The following COA1 variants were observed in gnomAD, a reference collection of about 807,000 sequenced individuals.
COA1 encodes the protein cytochrome c oxidase assembly factor 1.
COA1 carries 13 observed loss-of-function variants against 16.0 expected under a neutral mutation model. The ratio of observed to expected loss-of-function variants is 0.81; its 90% CI spans 0.53 to 1.29. The LOEUF (loss-of-function observed/expected upper bound fraction) is 1.29. COA1 is among the 50% of genes most tolerant of loss of function. The pLI, the probability that COA1 is intolerant of heterozygous loss-of-function variation, is 0.00. For missense variants in COA1, 179 were observed against 177.0 expected (o/e 1.01, Z -0.06); for synonymous variants, 65 against 65.7 (o/e 0.99, Z 0.05).
intron 6 of COA1, chr7:43,631,510 G>A: frequency 6.6e-6 from 1 of 152,412 alleles, no homozygotes; most frequent in Non-Finnish European, 1.5e-5. Flanking sequence ...ACAGGTGTGA[G>A]CCACCGTGCC....
At chr7:43,689,274 T>C (rs1190501860) in intron 1 of COA1, among the ~76,000 whole-genome samples, 2 of 152,208 alleles carry the variant, frequency 1.3e-5, no homozygotes, top group African/African-American at 4.8e-5. Flanking sequence ...TTCAGGCTCA[T>C]ATAGGCTGTA....
At chr7:43,673,193 C>T (rs2093355347) in intron 1 of COA1, among the ~76,000 whole-genome samples, 1 of 152,198 alleles carries the variant, frequency 6.6e-6, no homozygotes, top group Non-Finnish European at 1.5e-5. Context: ...AGCTTCTGTG[C>T]AGCAAAGAAA....
intron 1 of COA1, among the ~76,000 whole-genome samples, chr7:43,670,475 A>G (rs1055107417): frequency 4.6e-5 from 7 of 152,124 alleles, no homozygotes; most frequent in Non-Finnish European, 1.0e-4. Flanking sequence ...TTTTCATCAT[A>G]AACTCAGTCC....
At chr7:43,630,084 C>T (rs1403380714) in intron 6 of COA1, among the ~76,000 whole-genome samples, 4 of 152,142 alleles carry the variant, frequency 2.6e-5, no homozygotes, top group Non-Finnish European at 4.4e-5. Context: ...TGCCTTCACA[C>T]TACACCGCGC....
In COA1 at chr7:43,640,638, A is replaced by G; in HGVS notation, c.276T>C (p.Pro92=). The stretch of plus-strand genomic sequence containing the variant: ...GGCCCTCTGATTTGGATCCAGAGAC[A>G]GGAATCTTCAACTGTGGGTGTAAAA... ...VDIVDAKLKI[P]VSGSKSEGLL... Residue 92 remains proline, a synonymous_variant, in exon 5 of 6, where the codon CCT becomes CCC. Coordinates refer to ENST00000223336, the MANE Select transcript of COA1 (RefSeq NM_018224.4). The G allele has an allele frequency of 6.2e-7, 1 of 1,604,256 alleles. No homozygotes were observed. The highest frequency in any genetic ancestry group is 1.7e-5 in the Admixed American group (1 of 57,716).
At chr7:43,728,882 AC>A (rs1261320758) in intron 1 of COA1, among the ~76,000 whole-genome samples, 1 of 152,164 alleles carries the variant, frequency 6.6e-6, no homozygotes, top group African/African-American at 2.4e-5. Context: ...ACCCCCAAAC[AC>A]ACATACAGAC....
chr7:43,667,382 C>T (rs901080936), intron 1 of COA1, among the ~76,000 whole-genome samples: 1 of 152,098 alleles, frequency 6.6e-6, no homozygotes, highest in African/African-American at 2.4e-5. Context: ...TATTTCCAAT[C>T]TTCTTTAAGT....
chr7:43,704,233 C>T lies in COA1; in HGVS notation c.-39+25196G>A, dbSNP rs142397444. ...GTGGCCTGCACCTTCTATATAGCTG[C>T]CTTGAAGATATTTTCTCTCATGATG... is the stretch of plus-strand genomic sequence containing the variant. On this transcript the variant is annotated intron_variant, in intron 1 of 5. Transcript: ENST00000223336. 3.7e-3 allele frequency among the ~76,000 whole-genome samples: 563 copies of T among 152,216 alleles called. 6 individuals are homozygous for T. Among genetic ancestry groups the T allele is most frequent in the Admixed American group, 0.033 (500 of 15,282 alleles).
chr7:43,639,784 T>C, intron 5 of COA1, 103 bp from the exon 6 acceptor site: 1 of 773,864 alleles, frequency 1.3e-6, no homozygotes, highest in South Asian at 1.6e-5. Flanking sequence ...AATAATGCCT[T>C]AAATTTTTTT....
intron 6 of COA1, among the ~76,000 whole-genome samples, chr7:43,612,419 C>A (rs2082959996): frequency 6.6e-6 from 1 of 152,342 alleles, no homozygotes; most frequent in Admixed American, 6.5e-5. Context: ...CTGTCTTCGA[C>A]AGTGTGTGCT....
chr7:43,621,677 G>T (rs2083905232), intron 6 of COA1, among the ~76,000 whole-genome samples: 1 of 152,028 alleles, frequency 6.6e-6, no homozygotes, highest in Non-Finnish European at 1.5e-5. Flanking sequence ...TCACTGTGTT[G>T]CCCAGGCTAG....
chr7:43,694,253 A>G (rs978157220), intron 1 of COA1, among the ~76,000 whole-genome samples: 4 of 139,756 alleles, frequency 2.9e-5, no homozygotes, highest in Non-Finnish European at 6.5e-5. Flanking sequence ...AATAGCTCCC[A>G]TCTTTAAAAA....
intron 1 of COA1, among the ~76,000 whole-genome samples, chr7:43,687,569 A>G (rs2094095543): frequency 6.6e-6 from 1 of 152,246 alleles, no homozygotes; most frequent in African/African-American, 2.4e-5. Flanking sequence ...AAATAAAGCA[A>G]AAAAAGTAAA....
downstream of COA1, among the ~76,000 whole-genome samples, chr7:43,635,644 C>T (rs2085741344): frequency 1.3e-5 from 2 of 152,216 alleles, no homozygotes; most frequent in South Asian, 4.2e-4. Flanking sequence ...CAGGAAAGAG[C>T]ACTGAGAGGG....
rs59592633 is a variant in COA1, at chr7:43,644,761, G to GAT, written c.264+489_264+490insAT. ...AGATAGATAGATAGATAGATAGATAGGCAGGCAGGCAGGCAGGCAGGCAGG... is the reference window on the plus strand; with the variant it reads ...AGATAGATAGATAGATAGATAGATAGATGCAGGCAGGCAGGCAGGCAGGCAGG... On this transcript the variant is annotated intron_variant, in intron 4 of 5. Coordinates refer to ENST00000223336, the MANE Select transcript of COA1 (RefSeq NM_018224.4). 1.3e-3 allele frequency among the ~76,000 whole-genome samples: 117 copies of GAT among 90,192 alleles called. 1 individual carries two copies. Among genetic ancestry groups the GAT allele is most frequent in the East Asian group, 8.3e-3 (35 of 4,242 alleles). 59.2% of individuals were successfully genotyped at this position (90,192 alleles called of 152,430 possible).
intron 1 of COA1, among the ~76,000 whole-genome samples, chr7:43,691,270 AAAGAAAGAAAGAAAGAAAGAAAG>A (rs779903746): frequency 0.22 from 16,709 of 76,194 alleles, 2,352 homozygotes; most frequent in South Asian, 0.39. Flanking sequence ...GAAAGAAAAG[AAAGAAAGAAAGAAAGAAAGAAAG>A]AAAGAAAGAA....
At chr7:43,725,491 G>A (rs1333178524) in intron 1 of COA1, among the ~76,000 whole-genome samples, 3 of 152,212 alleles carry the variant, frequency 2.0e-5, no homozygotes, top group Non-Finnish European at 4.4e-5. Context: ...TGTAAACAGA[G>A]AGATGCAATT....
chr7:43,614,321 A>G (rs1309584126), intron 6 of COA1, among the ~76,000 whole-genome samples: 1 of 152,120 alleles, frequency 6.6e-6, no homozygotes, highest in Non-Finnish European at 1.5e-5. Context: ...CTATTGATTG[A>G]CCTTGCTTCT....
intron 1 of COA1, among the ~76,000 whole-genome samples, chr7:43,655,017 A>T (rs557950250): frequency 6.7e-6 from 1 of 149,950 alleles, no homozygotes; most frequent in South Asian, 2.1e-4. Context: ...TTGAAAACAT[A>T]TTGCAACTTA....
Sources: gnomAD v4.1 joint callset for allele counts (sites outside exome capture counted in the v4.1 genomes callset) on GRCh38, gnomAD v4.1.1 for gene constraint, MANE v1.5 for transcripts, NCBI Gene and HGNC (gene_info 2026-07-23, HGNC 2026-07-21) for gene names.